Variants in CLNK observed in about 807,000 individuals in gnomAD.
CLNK encodes the protein cytokine dependent hematopoietic cell linker, also known as cytokine-dependent hematopoietic cell linker.
Under a neutral mutation model 68.6 loss-of-function variants are expected in CLNK, and 74 were observed. The ratio of observed to expected loss-of-function variants is 1.08; its 90% confidence interval spans 0.89 to 1.31. The LOEUF (loss-of-function observed/expected upper bound fraction) is 1.31, where lower values mean the gene tolerates loss of function less well. CLNK is among the 50% of genes most tolerant of loss of function. The pLI is 0.00. For synonymous variants in CLNK, 198 were observed against 172.2 expected, an observed-to-expected ratio of 1.15 and a Z score of -1.17; for missense variants, 553 against 515.3, an observed-to-expected ratio of 1.07 and a Z score of -0.71.
chr4:10,648,801 T>C (rs1040651071), intron 2 of CLNK, among the ~76,000 whole-genome samples: 3 of 152,146 alleles, frequency 2.0e-5, no homozygotes, highest in African/African-American at 7.2e-5. Flanking sequence ...TCAGTACTAA[T>C]AAAATTCTTC....
intron 1 of CLNK, among the ~76,000 whole-genome samples, chr4:10,671,190 AG>A (rs1419153606): frequency 3.9e-5 from 6 of 152,140 alleles, no homozygotes; most frequent in Non-Finnish European, 8.8e-5. Flanking sequence ...GTTCGAGGCC[AG>A]CCTGGCCAAC....
chr4:10,693,041 C>T, the CLNK span, among the ~76,000 whole-genome samples: 4 of 152,216 alleles, frequency 2.6e-5, no homozygotes, highest in East Asian at 5.8e-4. Context: ...GTTAGTGTAT[C>T]TGTAACGCAC....
At chr4:10,604,547 AAAAGT>A (rs981020774) in intron 2 of CLNK, among the ~76,000 whole-genome samples, 1 of 152,146 alleles carries the variant, frequency 6.6e-6, no homozygotes, top group African/African-American at 2.4e-5. Flanking sequence ...CCATCCTGGA[AAAAGT>A]AAAGGGCACA....
chr4:10,652,253 G>A (rs1232266915), intron 2 of CLNK, among the ~76,000 whole-genome samples: 1 of 151,586 alleles, frequency 6.6e-6, no homozygotes, highest in African/African-American at 2.4e-5. Flanking sequence ...ATGGTGGCGA[G>A]CACCTGTAAT....
chr4:10,624,174 T>A (rs1471871308), intron 2 of CLNK, among the ~76,000 whole-genome samples: 1 of 152,194 alleles, frequency 6.6e-6, no homozygotes, highest in Admixed American at 6.5e-5. Flanking sequence ...GATGCTGGAA[T>A]AGGTAAGCAC....
the CLNK span, among the ~76,000 whole-genome samples, chr4:10,729,221 C>T: frequency 2.6e-5 from 4 of 152,088 alleles, no homozygotes; most frequent in African/African-American, 9.7e-5. Flanking sequence ...TTTTACTGGT[C>T]TTACACCAGT....
intron 4 of CLNK, among the ~76,000 whole-genome samples, chr4:10,583,848 T>C (rs1405824069): frequency 6.6e-6 from 1 of 152,210 alleles, no homozygotes; most frequent in African/African-American, 2.4e-5. Flanking sequence ...TAGTTGGAGC[T>C]GGCTGCTGTA....
At chr4:10,557,765 A>C (rs1719734703) in intron 8 of CLNK, among the ~76,000 whole-genome samples, 2 of 152,230 alleles carry the variant, frequency 1.3e-5, no homozygotes, top group Non-Finnish European at 2.9e-5. Context: ...TGATAGCATT[A>C]GACACATGAA....
At chr4:10,713,829 A>G in the CLNK span, among the ~76,000 whole-genome samples, 2 of 152,180 alleles carry the variant, frequency 1.3e-5, no homozygotes, top group South Asian at 4.1e-4. Flanking sequence ...TGCTTCTTAA[A>G]TAGCCTGAAG....
At chr4:10,520,253 C>A (rs1718004357) in intron 15 of CLNK, among the ~76,000 whole-genome samples, 1 of 152,206 alleles carries the variant, frequency 6.6e-6, no homozygotes, top group Admixed American at 6.5e-5. Context: ...TGATATCCTT[C>A]TGATTTTTAC....
At chr4:10,714,487 A>G in the CLNK span, among the ~76,000 whole-genome samples, 1 of 152,230 alleles carries the variant, frequency 6.6e-6, no homozygotes, top group Non-Finnish European at 1.5e-5. Flanking sequence ...TGCCATGGAA[A>G]GGAGAATCAT....
At chr4:10,692,443 C>T in the CLNK span, among the ~76,000 whole-genome samples, 13 of 152,164 alleles carry the variant, frequency 8.5e-5, no homozygotes, top group Non-Finnish European at 1.6e-4. Context: ...CTTCTTTGCA[C>T]AGCTTCATGG....
At position 10,637,115 on chromosome 4, in the gene CLNK, T is replaced by C. The variant is rs1430032342; in HGVS notation, c.11+30744A>G. 2.0e-5 allele frequency among the ~76,000 whole-genome samples: 3 copies of C among 152,176 alleles called. No homozygotes were observed. In the East Asian group the frequency reaches 5.8e-4, roughly 29 times the overall value. ...AGAGCAAATAAACATGTTTCTATCATTTTCTGGGTTCTGTGAGGTTGCTCA... is the reference window on the plus strand; with the variant it reads ...AGAGCAAATAAACATGTTTCTATCACTTTCTGGGTTCTGTGAGGTTGCTCA... On this transcript the variant is annotated intron_variant, in intron 2 of 18. Coordinates refer to ENST00000226951, the MANE Select transcript of CLNK (RefSeq NM_052964.4).
intron 4 of CLNK, among the ~76,000 whole-genome samples, chr4:10,578,347 C>T (rs1310064130): frequency 5.3e-5 from 8 of 152,154 alleles, no homozygotes; most frequent in Non-Finnish European, 8.8e-5. Flanking sequence ...TTGATATCCA[C>T]CTGCTGATTC....
intron 15 of CLNK, among the ~76,000 whole-genome samples, chr4:10,514,648 CT>C (rs1717749719): frequency 6.6e-6 from 1 of 151,034 alleles, no homozygotes; most frequent in African/African-American, 2.4e-5. Context: ...CATAAAAACC[CT>C]AGAAGAAAAC....
At chr4:10,693,164 G>T in the CLNK span, among the ~76,000 whole-genome samples, 1 of 152,216 alleles carries the variant, frequency 6.6e-6, no homozygotes, top group Non-Finnish European at 1.5e-5. Flanking sequence ...TGGTAACAAT[G>T]AATGTAAAAG....
intron 1 of CLNK, among the ~76,000 whole-genome samples, chr4:10,678,065 C>T (rs886639726): frequency 2.0e-5 from 3 of 152,146 alleles, no homozygotes; most frequent in East Asian, 1.9e-4. Flanking sequence ...TCTGTAACTT[C>T]GAGTACATTT....
chr4:10,629,563 G>A (rs1722806126), intron 2 of CLNK, among the ~76,000 whole-genome samples: 1 of 152,292 alleles, frequency 6.6e-6, no homozygotes, highest in South Asian at 2.1e-4. Context: ...GCGAGGGGAC[G>A]CCCACATCAA....
At chr4:10,625,657 G>A (rs139922192) in intron 2 of CLNK, among the ~76,000 whole-genome samples, 2 of 152,260 alleles carry the variant, frequency 1.3e-5, no homozygotes, top group East Asian at 1.9e-4. Flanking sequence ...CACAGAGAAA[G>A]AGAGACAGAG....
Sources: gnomAD v4.1 joint callset for allele counts (sites outside exome capture counted in the v4.1 genomes callset) on GRCh38, gnomAD v4.1.1 for gene constraint, MANE v1.5 for transcripts, NCBI Gene and HGNC (gene_info 2026-07-23, HGNC 2026-07-21) for gene names.